Variants in SOX6 observed in about 807,000 individuals in gnomAD.
The protein encoded by SOX6 is SRY-box transcription factor 6, also known as transcription factor SOX-6.
Under a neutral mutation model 97.8 loss-of-function variants are expected in SOX6, and 11 were observed. The ratio of observed to expected loss-of-function variants is 0.11; its 90% confidence interval spans 0.07 to 0.19. The LOEUF is 0.19. Ranked by LOEUF, SOX6 falls within the 10% of genes least tolerant of loss-of-function variation. The pLI is 1.00. For synonymous variants in SOX6, 360 were observed against 371.4 expected, an observed-to-expected ratio of 0.97 and a Z score of 0.35; for missense variants, 810 against 1,039.5, an observed-to-expected ratio of 0.78 and a Z score of 3.04.
intron 4 of SOX6, among the ~76,000 whole-genome samples, chr11:16,486,589 G>A (rs80201188): frequency 0.019 from 2,897 of 152,198 alleles, 92 homozygotes; most frequent in African/African-American, 0.066. Context: ...GGCTGGGTGC[G>A]GTGGCTCACG....
At chr11:16,710,228 A>G (rs1848168332) in intron 3 of SOX6, among the ~76,000 whole-genome samples, 1 of 152,222 alleles carries the variant, frequency 6.6e-6, no homozygotes. Flanking sequence ...CGTTTCTAAA[A>G]TTATCATAAA....
At chr11:16,196,453 T>C (rs1851776021) in intron 4 of SOX6, among the ~76,000 whole-genome samples, 1 of 152,240 alleles carries the variant, frequency 6.6e-6, no homozygotes, top group Admixed American at 6.5e-5. Context: ...GGATGTTTTA[T>C]TTTGTTGGAA....
At chr11:16,263,990 T>G (rs909505871) in intron 3 of SOX6, among the ~76,000 whole-genome samples, 1 of 151,956 alleles carries the variant, frequency 6.6e-6, no homozygotes, top group Non-Finnish European at 1.5e-5. Context: ...CCCCTATACA[T>G]GCTCAGTATG....
At chr11:16,715,527 GC>G in intron 2 of SOX6, among the ~76,000 whole-genome samples, 1 of 151,812 alleles carries the variant, frequency 6.6e-6, no homozygotes, top group African/African-American at 2.4e-5. Context: ...GTTGTGGATA[GC>G]CCATAGGAAG....
At chr11:16,369,108 T>C (rs1215864316) in intron 1 of SOX6, among the ~76,000 whole-genome samples, 1 of 151,928 alleles carries the variant, frequency 6.6e-6, no homozygotes, top group Non-Finnish European at 1.5e-5. Flanking sequence ...TGTATACGAA[T>C]GACAATAAAT....
At chr11:16,400,564 T>C (rs1016765278) in intron 1 of SOX6, among the ~76,000 whole-genome samples, 2 of 151,508 alleles carry the variant, frequency 1.3e-5, no homozygotes, top group Admixed American at 6.6e-5. Context: ...TATGATGTAG[T>C]GATTAAAAAT....
intron 6 of SOX6, among the ~76,000 whole-genome samples, chr11:16,113,721 A>G (rs900649023): frequency 1.3e-5 from 2 of 152,320 alleles, no homozygotes; most frequent in African/African-American, 4.8e-5. Flanking sequence ...AAAAGGGAGA[A>G]AAAGAAAGTG....
chr11:16,052,468 T>C (rs1461361551), intron 10 of SOX6, among the ~76,000 whole-genome samples: 2 of 152,202 alleles, frequency 1.3e-5, no homozygotes, highest in Non-Finnish European at 2.9e-5. Flanking sequence ...TATAGGTGAT[T>C]TTTTAGGAAG....
At chr11:15,995,242 A>G (rs1445813349) in intron 13 of SOX6, among the ~76,000 whole-genome samples, 6 of 152,212 alleles carry the variant, frequency 3.9e-5, no homozygotes, top group Admixed American at 3.9e-4. Flanking sequence ...GAAAGAATTC[A>G]TAAACACCTT....
intron 3 of SOX6, among the ~76,000 whole-genome samples, chr11:16,293,632 G>C (rs1431093096): frequency 6.6e-6 from 1 of 152,042 alleles, no homozygotes; most frequent in Non-Finnish European, 1.5e-5. Flanking sequence ...TTAAGTAGGG[G>C]TGGGAGTGGG....
At chr11:16,540,159 G>A (rs1280988516) in intron 4 of SOX6, among the ~76,000 whole-genome samples, 2 of 152,126 alleles carry the variant, frequency 1.3e-5, no homozygotes, top group African/African-American at 2.4e-5. Flanking sequence ...TGCAATGCTG[G>A]TACAACATAC....
chr11:15,977,642 C>A (rs1853527277), intron 15 of SOX6, among the ~76,000 whole-genome samples: 1 of 151,976 alleles, frequency 6.6e-6, no homozygotes, highest in African/African-American at 2.4e-5. Flanking sequence ...AACTCTCTGC[C>A]TACTCTGTTT....
chr11:16,267,900 T>C (rs1854132241), intron 3 of SOX6, among the ~76,000 whole-genome samples: 2 of 151,506 alleles, frequency 1.3e-5, no homozygotes, highest in South Asian at 4.1e-4. Flanking sequence ...TGCAATAACA[T>C]GGATGGAATT....
At chr11:15,981,345 C>T (rs568617711) in intron 15 of SOX6, among the ~76,000 whole-genome samples, 2 of 152,138 alleles carry the variant, frequency 1.3e-5, no homozygotes, top group South Asian at 2.1e-4. Context: ...TAAAAGCTGG[C>T]CCTGATAGAG....
intron 4 of SOX6, among the ~76,000 whole-genome samples, chr11:16,211,245 A>G (rs1852219392): frequency 1.3e-5 from 2 of 152,112 alleles, no homozygotes; most frequent in African/African-American, 4.8e-5. Flanking sequence ...ATGAGGATAC[A>G]TTAGAGGGTT....
chr11:16,564,211 T>C (rs7109800), intron 4 of SOX6, among the ~76,000 whole-genome samples: 5,123 of 152,216 alleles, frequency 0.034, 279 homozygotes, highest in African/African-American at 0.12. Context: ...ATAAATACAA[T>C]AGGATTTCCT....
intron 9 of SOX6, among the ~76,000 whole-genome samples, chr11:16,081,081 C>T (rs1848462584): frequency 6.6e-6 from 1 of 151,924 alleles, no homozygotes; most frequent in African/African-American, 2.4e-5. Flanking sequence ...AAAGCAAGAT[C>T]CCATCTCTAA....
chr11:16,209,284 G>A (rs552731494), intron 4 of SOX6, among the ~76,000 whole-genome samples: 5 of 151,994 alleles, frequency 3.3e-5, no homozygotes, highest in African/African-American at 1.2e-4. Flanking sequence ...AGCTTTTCGG[G>A]GGTCTTCATT....
intron 6 of SOX6, among the ~76,000 whole-genome samples, chr11:16,168,298 A>G (rs1323839916): frequency 6.6e-6 from 1 of 152,178 alleles, no homozygotes; most frequent in African/African-American, 2.4e-5. Context: ...GTCATTTATA[A>G]GAACAGGAAG....
Sources: gnomAD v4.1 joint callset for allele counts (sites outside exome capture counted in the v4.1 genomes callset) on GRCh38, gnomAD v4.1.1 for gene constraint, MANE v1.5 for transcripts, NCBI Gene and HGNC (gene_info 2026-07-23, HGNC 2026-07-21) for gene names.